Variants in GPR107 observed in about 807,000 individuals in gnomAD.
GPR107 encodes the protein G protein-coupled receptor 107.
GPR107 carries 31 observed loss-of-function variants against 75.5 expected under a neutral mutation model. The ratio of observed to expected loss-of-function variants is 0.41; its 90% CI spans 0.31 to 0.55. The LOEUF (loss-of-function observed/expected upper bound fraction) is 0.55, where lower values mean the gene tolerates loss of function less well. Among genes scored for constraint, GPR107 ranks in the 20% least tolerant of loss-of-function variants. The probability of loss-of-function intolerance (pLI) is 0.26; values close to 1 mark genes in which losing one functional copy is unlikely to be tolerated. For missense variants in GPR107, 572 were observed against 665.7 expected, an observed-to-expected ratio of 0.86 and a Z score of 1.55; for synonymous variants, 267 against 251.3, an observed-to-expected ratio of 1.06 and a Z score of -0.59.
chr9:130,123,897 G>A lies in GPR107; in HGVS notation c.1307-1018G>A, dbSNP rs149811640. Among the ~76,000 whole-genome samples, 26 of 152,318 alleles carry A rather than the reference G, an allele frequency of 1.7e-4. 1 individual carries two copies. The highest frequency in any genetic ancestry group is 6.0e-4 in the African/African-American group (25 of 41,572). Reference sequence around the variant, plus strand: ...TTTTGCATCTTCAGGTGTTGTGTGCGTGCCTGCGTGAATCTGCTGCAGCCC... The same window carrying A: ...TTTTGCATCTTCAGGTGTTGTGTGCATGCCTGCGTGAATCTGCTGCAGCCC... On this transcript the variant is annotated intron_variant, in intron 14 of 17. Transcript: ENST00000347136.
chr9:130,065,463 A>G (rs61603554), intron 1 of GPR107, among the ~76,000 whole-genome samples: 1,534 of 142,608 alleles, frequency 0.011, 26 homozygotes, highest in African/African-American at 0.039. Flanking sequence ...ATAAATAAAA[A>G]CCCATTAAGT....
chr9:130,133,510 G>A (rs1360958655), intron 17 of GPR107, among the ~76,000 whole-genome samples: 2 of 152,186 alleles, frequency 1.3e-5, no homozygotes, highest in Non-Finnish European at 2.9e-5. Flanking sequence ...GCTCGGGGCA[G>A]GGGCTTCTCT....
intron 1 of GPR107, among the ~76,000 whole-genome samples, chr9:130,062,391 TGACAAGAGCAA>T (rs797010020): frequency 3.8e-4 from 56 of 149,222 alleles, no homozygotes; most frequent in African/African-American, 1.4e-3. Flanking sequence ...CCAGCCTGGG[TGACAAGAGCAA>T]GACCCTGTCT....
At chr9:130,132,912 C>T (rs1831863534) in intron 17 of GPR107, 1 of 151,992 alleles carries the variant, frequency 6.6e-6, no homozygotes, top group Non-Finnish European at 1.5e-5. Context: ...CTGGGTTTTT[C>T]CTTCATGCTT....
Position 130,135,323 on chromosome 9 carries a change from T to G in GPR107, c.*202T>G. 2.1e-6 allele frequency: 1 copy of G among 465,992 alleles called. No homozygotes were observed. The highest frequency in any genetic ancestry group is 2.0e-5 in the African/African-American group (1 of 49,414). 28.9% of individuals were successfully genotyped at this position (465,992 alleles called of 1,614,324 possible). ...CGATCTGTGGCTGTTTAGAGGCAGC[T>G]GGATCCTCTTTCAGGCGGGAATGGG... On this transcript the variant is annotated 3_prime_UTR_variant, in exon 18 of 18. Transcript: ENST00000347136.
Position 130,105,773 on chromosome 9 carries a change from G to C in GPR107, c.1262+1223G>C, listed in dbSNP as rs1423360763. Among the ~76,000 whole-genome samples the C allele has an allele frequency of 2.6e-5, 4 of 151,952 alleles. No homozygotes were observed. The East Asian group carries it at 5.8e-4, about 22-fold the overall frequency. ...TACCAGCATAGAAGAGAGTATGAAT[G>C]ATGCTCCCACCTCAGCCTCCTGGGT... On this transcript the variant is annotated intron_variant, in intron 13 of 17. Coordinates refer to ENST00000347136, the MANE Select transcript of GPR107 (RefSeq NM_020960.5).
intron 6 of GPR107, among the ~76,000 whole-genome samples, chr9:130,084,712 G>C (rs1053169862): frequency 6.6e-6 from 1 of 151,802 alleles, no homozygotes; most frequent in African/African-American, 2.4e-5. Flanking sequence ...GGAGGCTAAG[G>C]CTACAGTGAG....
At chr9:130,134,133 G>A (rs543597044) in intron 17 of GPR107, among the ~76,000 whole-genome samples, 34 of 152,206 alleles carry the variant, frequency 2.2e-4, no homozygotes, top group South Asian at 1.5e-3. Context: ...TTGTTTCCTC[G>A]CTTGCAGGGA....
chr9:130,079,586 A>G, intron 4 of GPR107, 44 bp from the exon 5 acceptor site: 1 of 1,591,588 alleles, frequency 6.3e-7, no homozygotes, highest in Non-Finnish European at 8.6e-7. Flanking sequence ...AGTGGCCAGG[A>G]GCACTGCTTT....
chr9:130,084,003 T>TTGGTTCAATCTGCAGA (rs1830553097), intron 6 of GPR107, among the ~76,000 whole-genome samples: 1 of 148,696 alleles, frequency 6.7e-6, no homozygotes, highest in Non-Finnish European at 1.5e-5. Context: ...TGGTTGGCAG[T>TTGGTTCAATCTGCAGA]TGGTTCAATC....
chr9:130,122,733 A>G (rs975242894), intron 14 of GPR107, among the ~76,000 whole-genome samples: 12 of 152,214 alleles, frequency 7.9e-5, no homozygotes, highest in Non-Finnish European at 4.4e-5. Context: ...TGAATAAAAA[A>G]GAGATGAGGC....
chr9:130,127,826 C>T (rs1454785074), intron 16 of GPR107, among the ~76,000 whole-genome samples: 40 of 152,338 alleles, frequency 2.6e-4, no homozygotes, highest in Non-Finnish European at 1.5e-5. Flanking sequence ...CCTCAGCCTC[C>T]TGAGTAGCTG....
Position 130,086,465 on chromosome 9 carries a change from G to C in GPR107, c.610G>C (p.Val204Leu). 6.5e-7 allele frequency: 1 copy of C among 1,545,270 alleles called. No homozygotes were observed. The highest frequency in any genetic ancestry group is 2.2e-5 in the East Asian group (1 of 44,558). ...TTCTGTTCATAATAATGGTGGGGCA[G>C]TGTCATTTCAGGTATGTATGCTCTT... Reference protein sequence around the residue: ...SFSVHNNGGAVSFQFFFNIST... With the variant: ...SFSVHNNGGALSFQFFFNIST... Residue 204 changes from valine (V) to leucine (L), a missense_variant, in exon 7 of 18, where the codon GTG becomes CTG. By Grantham distance (32) the Val-to-Leu change is conservative. Transcript: ENST00000347136.
In GPR107 at chr9:130,079,728, T is replaced by C; in HGVS notation, c.485T>C (p.Val162Ala). The C allele has an allele frequency of 6.2e-7, 1 of 1,612,882 alleles. No homozygotes were observed. Residue 162 changes from valine (V) to alanine (A), a missense_variant, in exon 5 of 18, where the codon GTT (valine) becomes GCT (alanine). By Grantham distance (64) the Val-to-Ala change is moderately conservative. Transcript: ENST00000347136. Reference protein sequence around the residue: ...KVLGQSQEPNVNPASAGNQTQ... With the variant: ...KVLGQSQEPNANPASAGNQTQ... ...CTTGGTCAGAGCCAGGAGCCTAATG[T>C]TAACCCTGCTTCAGCAGGCAACCAG...
intron 1 of GPR107, among the ~76,000 whole-genome samples, chr9:130,059,878 A>G (rs916094326): frequency 6.6e-6 from 1 of 151,618 alleles, no homozygotes; most frequent in African/African-American, 2.4e-5. Context: ...AGTTGGGATT[A>G]CAGGCACCTG....
chr9:130,124,982 A>G lies in GPR107; in HGVS notation c.1356+18A>G, dbSNP rs1379128436. 22 of 1,264,134 alleles carry G rather than the reference A, an allele frequency of 1.7e-5. No individual in the cohort carries two copies. Among genetic ancestry groups the G allele is most frequent in the Non-Finnish European group, 2.4e-5 (22 of 903,382 alleles). 78.3% of individuals were successfully genotyped at this position (1,264,134 alleles called of 1,614,324 possible). A position where few individuals can be genotyped will look rare whatever the true frequency, so the allele number is the denominator to read the frequency against. Reference sequence around the variant, plus strand: ...ACGTCTTGGTAAGTAAAAAAAAAAAAAATCCTCAATCTATAAATAAAATCA... The same window carrying G: ...ACGTCTTGGTAAGTAAAAAAAAAAAGAATCCTCAATCTATAAATAAAATCA... On this transcript the variant is annotated intron_variant, in intron 15 of 17. Coordinates refer to ENST00000347136, the MANE Select transcript of GPR107 (RefSeq NM_020960.5).
At chr9:130,092,689 C>G (rs144907188) in intron 9 of GPR107, among the ~76,000 whole-genome samples, 7 of 151,778 alleles carry the variant, frequency 4.6e-5, no homozygotes, top group Admixed American at 1.3e-4. Flanking sequence ...GATCTCAGCT[C>G]GCTGCAAGCT....
At chr9:130,096,561 C>T (rs1264154434) in intron 9 of GPR107, among the ~76,000 whole-genome samples, 2 of 151,618 alleles carry the variant, frequency 1.3e-5, no homozygotes, top group African/African-American at 4.9e-5. Flanking sequence ...CTCCGCCTCC[C>T]GGGTCAAGCA....
intron 17 of GPR107, among the ~76,000 whole-genome samples, chr9:130,132,368 A>C (rs2132660498): frequency 6.6e-6 from 1 of 152,322 alleles, no homozygotes; most frequent in African/African-American, 2.4e-5. Context: ...GAACTGCCAG[A>C]GTAGGAATCA....
Sources: gnomAD v4.1 joint callset for allele counts (sites outside exome capture counted in the v4.1 genomes callset) on GRCh38, gnomAD v4.1.1 for gene constraint, MANE v1.5 for transcripts, NCBI Gene and HGNC (gene_info 2026-07-23, HGNC 2026-07-21) for gene names.